The following KALRN variants were observed in gnomAD, a reference collection of about 807,000 sequenced individuals.
KALRN encodes kalirin RhoGEF kinase.
In KALRN, 70 loss-of-function variants were observed where a neutral mutation model predicts 353.7. That is an observed-to-expected ratio of 0.20 (90% CI 0.16 to 0.24). KALRN has a LOEUF of 0.24. Ranked by LOEUF, KALRN falls within the 10% of genes least tolerant of loss-of-function variation. The pLI, the probability that KALRN is intolerant of heterozygous loss-of-function variation, is 1.00. For missense variants in KALRN, 2,791 were observed against 3,756.7 expected, an observed-to-expected ratio of 0.74 and a Z score of 6.72; for synonymous variants, 1,391 against 1,434.8, an observed-to-expected ratio of 0.97 and a Z score of 0.69.
At chr3:124,168,363 G>T (rs888306427) in intron 1 of KALRN, among the ~76,000 whole-genome samples, 1 of 152,358 alleles carries the variant, frequency 6.6e-6, no homozygotes, top group East Asian at 1.9e-4. Context: ...GATGGGGTTT[G>T]GTTGCCATTG....
At position 124,455,207 on chromosome 3, in the gene KALRN, C is replaced by G; in HGVS notation, c.3583C>G (p.Gln1195Glu). The change falls in exon 22 of 60, where the codon CAG becomes GAG. Residue 1195 changes from glutamine to glutamate, a missense_variant. Gln to Glu is a conservative substitution (Grantham distance 29, BLOSUM62 2). Transcript: ENST00000682506. ...QTKEKVKLLI[Q>E]LADSFVEKGH... ...AAAGGAGAAGGTGAAGCTTCTGATT[C>G]AGCTGGCCGATAGCTTTGTGGAAAA... is the stretch of plus-strand genomic sequence containing the variant. The G allele has an allele frequency of 1.2e-6, 2 of 1,614,146 alleles. No homozygotes were observed. The highest frequency in any genetic ancestry group is 1.7e-6 in the Non-Finnish European group (2 of 1,180,010).
intron 1 of KALRN, among the ~76,000 whole-genome samples, chr3:124,106,684 T>G (rs1354703768): frequency 1.3e-5 from 2 of 152,132 alleles, no homozygotes; most frequent in Admixed American, 6.5e-5. Flanking sequence ...AGAGATAAGA[T>G]GAGGAAACTG....
intron 1 of KALRN, among the ~76,000 whole-genome samples, chr3:124,045,520 C>A (rs987838096): frequency 6.6e-6 from 1 of 152,162 alleles, no homozygotes; most frequent in African/African-American, 2.4e-5. Flanking sequence ...TCTTCATGAT[C>A]CCAACCACTG....
chr3:124,116,851 C>G (rs919358145), intron 1 of KALRN, among the ~76,000 whole-genome samples: 7 of 152,180 alleles, frequency 4.6e-5, no homozygotes, highest in African/African-American at 7.2e-5. Flanking sequence ...TCACAGGTAA[C>G]TGAAACTGTG....
intron 38 of KALRN, among the ~76,000 whole-genome samples, chr3:124,651,740 G>A (rs1177344295): frequency 1.3e-5 from 2 of 151,292 alleles, no homozygotes; most frequent in African/African-American, 4.9e-5. Flanking sequence ...TGGGCTCAAG[G>A]GATCCTCTCA....
intron 1 of KALRN, among the ~76,000 whole-genome samples, chr3:124,085,248 A>G (rs966227893): frequency 6.6e-6 from 1 of 152,138 alleles, no homozygotes; most frequent in Non-Finnish European, 1.5e-5. Flanking sequence ...TTCCCCATCC[A>G]TCCTGTAAGT....
chr3:124,473,320 T>C (rs2061122552), intron 25 of KALRN, among the ~76,000 whole-genome samples: 1 of 152,244 alleles, frequency 6.6e-6, no homozygotes, highest in Non-Finnish European at 1.5e-5. Context: ...TTATATCGTG[T>C]ATCCTTTAAT....
intron 57 of KALRN, among the ~76,000 whole-genome samples, chr3:124,707,234 T>C (rs1274068393): frequency 6.6e-6 from 1 of 152,080 alleles, no homozygotes; most frequent in Non-Finnish European, 1.5e-5. Context: ...TCCCAGCTAC[T>C]TGGGAAGCTG....
chr3:124,488,212 A>G lies in KALRN; in HGVS notation c.4293A>G (p.Leu1431=), dbSNP rs139874284. 537 of 1,611,990 alleles carry G rather than the reference A, an allele frequency of 3.3e-4. 4 individuals are homozygous for G. In the African/African-American group the frequency reaches 6.7e-3, roughly 20 times the overall value. The change falls in exon 29 of 60, where the codon TTA becomes TTG. Residue 1431 remains leucine, a synonymous_variant. Coordinates refer to ENST00000682506, the MANE Select transcript of KALRN (RefSeq NM_001388419.1). The stretch of plus-strand genomic sequence containing the variant: ...GACTTTTTTTTCCCCAGGAACTTTT[A>G]ACTTGCTGTGAAGAAGGGAAAGGGG... ...TKYQLLLKEL[L]TCCEEGKGEL...
chr3:124,210,015 G>A (rs1322639617), intron 1 of KALRN, among the ~76,000 whole-genome samples: 1 of 152,190 alleles, frequency 6.6e-6, no homozygotes, highest in South Asian at 2.1e-4. Flanking sequence ...AAAGGGTTAA[G>A]AAGATGGAGT....
intron 5 of KALRN, among the ~76,000 whole-genome samples, chr3:124,284,476 C>T (rs1215930828): frequency 6.6e-6 from 1 of 152,238 alleles, no homozygotes; most frequent in African/African-American, 2.4e-5. Context: ...GGTGTTGCCA[C>T]CCAGAAGCCA....
chr3:124,057,737 A>G (rs1377526006), intron 1 of KALRN, among the ~76,000 whole-genome samples: 1 of 152,128 alleles, frequency 6.6e-6, no homozygotes, highest in African/African-American at 2.4e-5. Flanking sequence ...CTCTGGAACA[A>G]GTCATCCTGT....
chr3:124,492,689 G>A, intron 31 of KALRN, 51 bp from the exon 32 acceptor site: 1 of 1,585,622 alleles, frequency 6.3e-7, no homozygotes, highest in Non-Finnish European at 8.6e-7. Flanking sequence ...ACTGTTTTTG[G>A]TAAGGTGATG....
chr3:124,246,522 T>A (rs1470561104), intron 3 of KALRN, among the ~76,000 whole-genome samples: 1 of 150,834 alleles, frequency 6.6e-6, no homozygotes, highest in Non-Finnish European at 1.5e-5. Flanking sequence ...GCTCCTTGGC[T>A]GGTTGTGTAG....
intron 33 of KALRN, 95 bp from the exon 34 acceptor site, chr3:124,562,748 A>T: frequency 8.8e-7 from 1 of 1,130,970 alleles, no homozygotes; most frequent in Non-Finnish European, 1.2e-6. Flanking sequence ...CTGCTCTCAC[A>T]CATCCTTCGT....
intron 1 of KALRN, among the ~76,000 whole-genome samples, chr3:124,205,489 T>C (rs572646948): frequency 1.3e-5 from 2 of 152,178 alleles, no homozygotes; most frequent in Non-Finnish European, 2.9e-5. Context: ...GACAATAATA[T>C]CTATCTCATG....
chr3:124,688,754 C>T (rs1407071625), intron 51 of KALRN, among the ~76,000 whole-genome samples: 6 of 148,956 alleles, frequency 4.0e-5, no homozygotes, highest in Non-Finnish European at 7.5e-5. Context: ...ATTTTCTAGA[C>T]AGAATTTCAC....
intron 34 of KALRN, among the ~76,000 whole-genome samples, chr3:124,612,017 A>G (rs958902932): frequency 3.3e-5 from 5 of 151,878 alleles, no homozygotes; most frequent in African/African-American, 1.2e-4. Flanking sequence ...CCCATTAGTC[A>G]GTGTTTTTTG....
At chr3:124,249,953 C>G (rs921526535) in intron 3 of KALRN, among the ~76,000 whole-genome samples, 18 of 152,170 alleles carry the variant, frequency 1.2e-4, no homozygotes, top group African/African-American at 4.1e-4. Context: ...CCAGGGCAAC[C>G]CTGGCTGTGT....
Sources: gnomAD v4.1 joint callset for allele counts (sites outside exome capture counted in the v4.1 genomes callset) on GRCh38, gnomAD v4.1.1 for gene constraint, MANE v1.5 for transcripts, NCBI Gene and HGNC (gene_info 2026-07-23, HGNC 2026-07-21) for gene names.